The following CSNK2A1 variants were observed in gnomAD, a reference collection of about 807,000 sequenced individuals.
CSNK2A1 encodes the protein casein kinase 2 alpha 1, also known as casein kinase II subunit alpha.
Under a neutral mutation model 62.9 loss-of-function variants are expected in CSNK2A1, and 10 were observed. That is an observed-to-expected ratio of 0.16 (90% CI 0.10 to 0.27). The LOEUF is 0.27. CSNK2A1 is among the 10% of genes least tolerant of loss of function. The pLI is 1.00. For synonymous variants in CSNK2A1, 124 were observed against 167.8 expected (o/e 0.74, Z 2.02); for missense variants, 160 against 492.0 (o/e 0.33, Z 6.38).
At chr20:539,477 T>C (rs1010558567) in intron 1 of CSNK2A1, 1 of 152,206 alleles carries the variant, frequency 6.6e-6, no homozygotes, top group Non-Finnish European at 1.5e-5. Flanking sequence ...TGCTTCAAAT[T>C]TGACTTCCCC....
chr20:485,510 T>G (rs1035394908), intron 13 of CSNK2A1, among the ~76,000 whole-genome samples: 1 of 152,144 alleles, frequency 6.6e-6, no homozygotes, highest in African/African-American at 2.4e-5. Flanking sequence ...AATTTCACAT[T>G]ATTATATTGG....
intron 2 of CSNK2A1, among the ~76,000 whole-genome samples, chr20:523,706 ACG>A (rs2018997625): frequency 6.6e-6 from 1 of 151,944 alleles, no homozygotes; most frequent in Non-Finnish European, 1.5e-5. Flanking sequence ...CCTGGCTAAC[ACG>A]GTGAAACCCC....
chr20:500,130 A>C (rs535164345), intron 4 of CSNK2A1, 196 bp from the exon 5 acceptor site: 1 of 537,936 alleles, frequency 1.9e-6, no homozygotes, highest in South Asian at 2.5e-5. Context: ...CAAATGTTGA[A>C]TTGAAAGAAA....
chr20:485,186 CA>C (rs1396257103), intron 13 of CSNK2A1, among the ~76,000 whole-genome samples: 2 of 128,394 alleles, frequency 1.6e-5, no homozygotes, highest in Non-Finnish European at 3.2e-5. Flanking sequence ...CATGGCTCTG[CA>C]TCTCACTTTT....
At chr20:535,134 C>A (rs1387362821) in intron 1 of CSNK2A1, among the ~76,000 whole-genome samples, 2 of 146,942 alleles carry the variant, frequency 1.4e-5, no homozygotes, top group Non-Finnish European at 3.0e-5. Flanking sequence ...GTTAAGAGGA[C>A]TGCTTGAGCC....
chr20:540,698 T>C (rs1174778854), intron 1 of CSNK2A1: 1 of 152,198 alleles, frequency 6.6e-6, no homozygotes, highest in Non-Finnish European at 1.5e-5. Flanking sequence ...AACCTTTATC[T>C]ACTGCCACTT....
intron 1 of CSNK2A1, among the ~76,000 whole-genome samples, chr20:529,194 T>TA (rs1318234011): frequency 6.6e-6 from 1 of 151,488 alleles, no homozygotes; most frequent in Non-Finnish European, 1.5e-5. Flanking sequence ...CTGGCTATTT[T>TA]TTTTTTTTTT....
At chr20:543,234 C>T (rs1277130534) in intron 1 of CSNK2A1, 1 of 152,756 alleles carries the variant, frequency 6.5e-6, no homozygotes, top group Non-Finnish European at 1.5e-5. Context: ...GGCCCCTACT[C>T]CAGCTGCCCA....
intron 13 of CSNK2A1, among the ~76,000 whole-genome samples, chr20:485,012 G>A (rs1286131370): frequency 7.6e-6 from 1 of 131,656 alleles, no homozygotes; most frequent in African/African-American, 2.9e-5. Flanking sequence ...GGCTGCAGCA[G>A]CTGAGATTGT....
rs553798863 is a variant in CSNK2A1 at position 543,709 on chromosome 20, C to T, written c.-264G>A. 5.1e-4 allele frequency: 204 copies of T among 398,494 alleles called. 1 individual carries two copies. Among genetic ancestry groups the T allele is most frequent in the African/African-American group, 3.8e-3 (185 of 48,754 alleles). 24.7% of individuals were successfully genotyped at this position (398,494 alleles called of 1,614,324 possible). On this transcript the variant is annotated 5_prime_UTR_variant, in exon 1 of 14. Transcript: ENST00000217244. Reference sequence around the variant, plus strand: ...CGGCAGCGGCGGCGGCCGCTCTCCCCTCTGCTCACACAGACAATATGGCGG... The same window carrying T: ...CGGCAGCGGCGGCGGCCGCTCTCCCTTCTGCTCACACAGACAATATGGCGG...
rs1189510514 is a variant in CSNK2A1, at chr20:543,746, G to C, written c.-301C>G. 1 of 398,452 alleles carries C rather than the reference G, an allele frequency of 2.5e-6. No individual in the cohort carries two copies. Among genetic ancestry groups the C allele is most frequent in the Admixed American group, 4.4e-5 (1 of 22,738 alleles). The allele number at this position is 398,452 out of a possible 1,614,324, so 24.7% of individuals were successfully genotyped here. The stretch of plus-strand genomic sequence containing the variant: ...AGACAATATGGCGGCGATGGAGGAG[G>C]AGACACACGGCTCGGCCGCCAGCCG... On this transcript the variant is annotated 5_prime_UTR_variant, in exon 1 of 14. Coordinates refer to ENST00000217244, the MANE Select transcript of CSNK2A1 (RefSeq NM_177559.3).
At chr20:540,915 G>T (rs1011127672) in intron 1 of CSNK2A1, 2 of 152,168 alleles carry the variant, frequency 1.3e-5, no homozygotes, top group Non-Finnish European at 2.9e-5. Flanking sequence ...GGTGTCTCAA[G>T]GTTGCATTCC....
intron 2 of CSNK2A1, among the ~76,000 whole-genome samples, chr20:521,539 C>T (rs1217904395): frequency 2.6e-5 from 4 of 152,166 alleles, no homozygotes; most frequent in Non-Finnish European, 5.9e-5. Context: ...ATACAACCAG[C>T]ATTCCCACTC....
intron 8 of CSNK2A1, chr20:492,637 A>T (rs1420331860): frequency 1.1e-5 from 4 of 356,122 alleles, no homozygotes; most frequent in Non-Finnish European, 2.0e-5. Context: ...CCAGCCTATA[A>T]TCCTATTGGT....
At position 499,671 on chromosome 20, in the gene CSNK2A1, G is replaced by GAA; in HGVS notation, c.315+160_315+161dup. The GAA allele has an allele frequency of 1.5e-6, 1 of 674,476 alleles. No individual in the cohort carries two copies. Among genetic ancestry groups the GAA allele is most frequent in the African/African-American group, 1.8e-5 (1 of 55,990 alleles). The allele number at this position is 674,476 out of a possible 1,614,324, so 41.8% of individuals were successfully genotyped here. A position where few individuals can be genotyped will look rare whatever the true frequency, so the allele number is the denominator to read the frequency against. On this transcript the variant is annotated intron_variant, in intron 5 of 13. Coordinates refer to ENST00000217244, the MANE Select transcript of CSNK2A1 (RefSeq NM_177559.3). This position sits in a 1 kb window ranked among gnomAD's most constrained non-coding sequence, Gnocchi z 4.2. ...ATAGTCTGTGGGTGGAGGTCTCTTT[G>GAA]AAAGAAAGACCCAAGCTAGTTAAAT...
intron 4 of CSNK2A1, chr20:500,290 T>G (rs2018433529): frequency 4.8e-6 from 1 of 208,638 alleles, no homozygotes; most frequent in African/African-American, 2.3e-5. Flanking sequence ...TACTAAAGTA[T>G]ATCAAACTTT....
chr20:484,919 T>G (rs1191893731), intron 13 of CSNK2A1, among the ~76,000 whole-genome samples: 1 of 149,694 alleles, frequency 6.7e-6, no homozygotes, highest in East Asian at 2.0e-4. Flanking sequence ...ATACAAAAAT[T>G]AGCTGGGCGT....
At chr20:520,985 A>G (rs1481336719) in intron 2 of CSNK2A1, among the ~76,000 whole-genome samples, 2 of 152,212 alleles carry the variant, frequency 1.3e-5, no homozygotes, top group Non-Finnish European at 2.9e-5. Context: ...TGGGGGGGAA[A>G]AAAAAAGATA....
chr20:537,014 T>C (rs2019346941), intron 1 of CSNK2A1, among the ~76,000 whole-genome samples: 2 of 152,198 alleles, frequency 1.3e-5, no homozygotes, highest in Non-Finnish European at 2.9e-5. Context: ...TTAAAATTTA[T>C]AGAACATTGA....
Sources: gnomAD v4.1 joint callset for allele counts (sites outside exome capture counted in the v4.1 genomes callset) on GRCh38, gnomAD v4.1.1 for gene constraint, Gnocchi (gnomAD v3.1) non-coding constraint, MANE v1.5 for transcripts, NCBI Gene and HGNC (gene_info 2026-07-23, HGNC 2026-07-21) for gene names.